DACH1: variants seen among roughly 807,000 people sequenced by gnomAD.
DACH1 encodes the protein dachshund homolog 1.
In DACH1, 12 loss-of-function variants were observed where a neutral mutation model predicts 54.2. That is an observed-to-expected ratio of 0.22 (90% confidence interval 0.14 to 0.36). The LOEUF is 0.36. Among genes scored for constraint, DACH1 ranks in the 10% least tolerant of loss-of-function variants. DACH1 has a pLI of 1.00. For missense variants in DACH1, 805 were observed against 929.8 expected (o/e 0.87, Z 1.75); for synonymous variants, 386 against 366.2 (o/e 1.05, Z -0.62).
At chr13:71,851,428 C>T (rs1873658625) in intron 1 of DACH1, among the ~76,000 whole-genome samples, 1 of 151,974 alleles carries the variant, frequency 6.6e-6, no homozygotes, top group Non-Finnish European at 1.5e-5. Flanking sequence ...TATTATGCCC[C>T]CTTCTTGAAA....
Position 71,479,207 on chromosome 13 carries a change from G to A in DACH1, c.1832C>T (p.Thr611Ile). ...DFLRERELRE[T>I]LEKQLAMEQK... Reference sequence around the variant, plus strand: ...TTCCATAGCCAACTGCTTCTCAAGTGTTTCCCTTAGTTCTCTTTCCCTTAA... The same window carrying A: ...TTCCATAGCCAACTGCTTCTCAAGTATTTCCCTTAGTTCTCTTTCCCTTAA... Residue 611 changes from threonine (T) to isoleucine (I), a missense_variant, in exon 8 of 11, where the codon ACA (threonine) becomes ATA (isoleucine). Around this residue, in one of 3 missense-constraint regions of DACH1, gnomAD observed 472 missense variants for 545.3 expected, o/e 0.87. Coordinates refer to ENST00000613252, the MANE Select transcript of DACH1 (RefSeq NM_080759.6). 1.9e-6 allele frequency: 3 copies of A among 1,613,380 alleles called. No homozygotes were observed. Among genetic ancestry groups the A allele is most frequent in the African/African-American group, 1.3e-5 (1 of 74,974 alleles).
intron 1 of DACH1, among the ~76,000 whole-genome samples, chr13:71,747,752 A>G (rs1884660778): frequency 6.6e-6 from 1 of 152,142 alleles, no homozygotes; most frequent in Non-Finnish European, 1.5e-5. Flanking sequence ...TACTGGGTCC[A>G]TGGGAGGAAG....
intron 1 of DACH1, among the ~76,000 whole-genome samples, chr13:71,815,357 A>T (rs746466473): frequency 6.6e-6 from 1 of 152,022 alleles, no homozygotes; most frequent in African/African-American, 2.4e-5. Flanking sequence ...AGCGAGAGCC[A>T]GGCGTCAAGC....
At chr13:71,626,550 G>T (rs1876658488) in intron 3 of DACH1, among the ~76,000 whole-genome samples, 1 of 151,946 alleles carries the variant, frequency 6.6e-6, no homozygotes, top group East Asian at 1.9e-4. Flanking sequence ...CCTGTATGTT[G>T]TGGATAGTGT....
intron 1 of DACH1, among the ~76,000 whole-genome samples, chr13:71,759,816 T>C (rs1019612139): frequency 6.6e-6 from 1 of 151,746 alleles, no homozygotes; most frequent in African/African-American, 2.4e-5. Flanking sequence ...AAAAAAAAAA[T>C]CTGAAATTCA....
At chr13:71,744,597 A>T (rs1224834392) in intron 1 of DACH1, among the ~76,000 whole-genome samples, 1 of 152,208 alleles carries the variant, frequency 6.6e-6, no homozygotes, top group Non-Finnish European at 1.5e-5. Context: ...AACTCTTACA[A>T]TTAGTGTAGC....
chr13:71,473,684 T>C (rs1877278421), intron 10 of DACH1, among the ~76,000 whole-genome samples: 1 of 152,208 alleles, frequency 6.6e-6, no homozygotes, highest in African/African-American at 2.4e-5. Context: ...CGATATTGTT[T>C]CAATTTTTTC....
chr13:71,752,800 A>G (rs1314626954), intron 1 of DACH1, among the ~76,000 whole-genome samples: 1 of 152,176 alleles, frequency 6.6e-6, no homozygotes, highest in Non-Finnish European at 1.5e-5. Context: ...CTCTTTTAAC[A>G]TTAACTGATA....
chr13:71,446,402 C>T (rs1398284260), intron 10 of DACH1, among the ~76,000 whole-genome samples: 5 of 152,136 alleles, frequency 3.3e-5, no homozygotes, highest in East Asian at 3.9e-4. Flanking sequence ...AATAATGATT[C>T]GTATCAGTAA....
chr13:71,584,197 C>T (rs375366494), intron 3 of DACH1, among the ~76,000 whole-genome samples: 74 of 152,246 alleles, frequency 4.9e-4, no homozygotes, highest in African/African-American at 1.7e-3. Context: ...TTATATGAAA[C>T]AACCACTTAA....
At chr13:71,448,223 A>C (rs1162313831) in intron 10 of DACH1, among the ~76,000 whole-genome samples, 1 of 152,234 alleles carries the variant, frequency 6.6e-6, no homozygotes, top group Non-Finnish European at 1.5e-5. Flanking sequence ...TGAGGAAAAT[A>C]TTAACACAGC....
At chr13:71,847,189 T>C (rs928508228) in intron 1 of DACH1, among the ~76,000 whole-genome samples, 11 of 152,164 alleles carry the variant, frequency 7.2e-5, no homozygotes, top group African/African-American at 2.7e-4. Context: ...TCTTGTAATA[T>C]ACCTAAGAAC....
chr13:71,546,902 T>A (rs979799944), intron 6 of DACH1, among the ~76,000 whole-genome samples: 1 of 152,074 alleles, frequency 6.6e-6, no homozygotes, highest in Admixed American at 6.6e-5. Flanking sequence ...CTTAAGCCTT[T>A]TATTGGGATT....
At chr13:71,805,107 C>T (rs1370645976) in intron 1 of DACH1, among the ~76,000 whole-genome samples, 1 of 152,106 alleles carries the variant, frequency 6.6e-6, no homozygotes, top group Admixed American at 6.6e-5. Flanking sequence ...AGCCACTGAA[C>T]CAAATGGGGC....
At chr13:71,453,550 A>G (rs899955880) in intron 10 of DACH1, among the ~76,000 whole-genome samples, 1 of 152,132 alleles carries the variant, frequency 6.6e-6, no homozygotes, top group African/African-American at 2.4e-5. Flanking sequence ...CTCTTGTCAA[A>G]GCCTAGTTAT....
At chr13:71,548,249 T>A (rs1056483726) in intron 6 of DACH1, among the ~76,000 whole-genome samples, 1 of 152,192 alleles carries the variant, frequency 6.6e-6, no homozygotes, top group Non-Finnish European at 1.5e-5. Context: ...CAAATTATTA[T>A]ATGTCCATGT....
At chr13:71,812,585 A>C (rs1263749700) in intron 1 of DACH1, among the ~76,000 whole-genome samples, 1 of 105,400 alleles carries the variant, frequency 9.5e-6, no homozygotes, top group East Asian at 2.1e-4. Context: ...GAAACACATC[A>C]AAATAGTACC....
At chr13:71,511,021 A>T (rs1477745863) in intron 6 of DACH1, among the ~76,000 whole-genome samples, 1 of 152,050 alleles carries the variant, frequency 6.6e-6, no homozygotes, top group Non-Finnish European at 1.5e-5. Context: ...ATACAAATTC[A>T]TTACTATGTT....
At chr13:71,666,603 T>C (rs1464958049) in intron 2 of DACH1, among the ~76,000 whole-genome samples, 1 of 152,122 alleles carries the variant, frequency 6.6e-6, no homozygotes, top group East Asian at 1.9e-4. Context: ...TAATCAGTAA[T>C]GAAAAGATGA....
Sources: allele counts gnomAD v4.1 joint callset (sites outside exome capture counted in the v4.1 genomes callset), GRCh38; gene constraint gnomAD v4.1.1; regional missense constraint gnomAD v4.1.1; transcripts MANE v1.5; gene names NCBI Gene and HGNC (gene_info 2026-07-23, HGNC 2026-07-21).